The following CENPI variants were observed in gnomAD, a reference collection of about 807,000 sequenced individuals.
CENPI encodes the protein FSH primary response 1.
In CENPI, 4 loss-of-function variants were observed where a neutral mutation model predicts 60.4. That is an observed-to-expected ratio of 0.07 (90% CI 0.03 to 0.15). The LOEUF is 0.15. CENPI is among the 10% of genes least tolerant of loss of function. The probability of loss-of-function intolerance (pLI) is 1.00; values close to 1 mark genes in which losing one functional copy is unlikely to be tolerated. For missense variants in CENPI, 444 were observed against 534.5 expected, an observed-to-expected ratio of 0.83 and a Z score of 1.67; for synonymous variants, 157 against 189.4, an observed-to-expected ratio of 0.83 and a Z score of 1.40.
chrX:101,179,395 AG>A, the CENPI span, among the ~76,000 whole-genome samples: 5 of 113,089 alleles, frequency 4.4e-5, no homozygotes, highest in Middle Eastern at 4.2e-3. Context: ...GTATTAATAT[AG>A]CACATTTTGT....
intron 20 of CENPI, among the ~76,000 whole-genome samples, chrX:101,151,586 C>A (rs772013095): frequency 4.5e-5 from 5 of 111,403 alleles, no homozygotes; most frequent in Non-Finnish European, 7.5e-5. Context: ...AATCGCAGCA[C>A]TTTGGGAGGC....
At chrX:101,126,958 C>T (rs1447469887) in intron 9 of CENPI, among the ~76,000 whole-genome samples, 160 bp downstream of exon 9, 1 of 109,877 alleles carries the variant, frequency 9.1e-6, no homozygotes, top group East Asian at 2.8e-4. Flanking sequence ...ATTGGTACTT[C>T]GTGTTGATCC....
In CENPI at chrX:101,140,695, A is replaced by G. The variant is rs1177334898; in HGVS notation, c.1500A>G (p.Leu500=). Reference sequence around the variant, plus strand: ...GTGTGCTTCAGAGTCTGAAAGAGCTATTGCAGAATTGGCTGTTGTGGCTTT... The same window carrying G: ...GTGTGCTTCAGAGTCTGAAAGAGCTGTTGCAGAATTGGCTGTTGTGGCTTT... ...KCSVLQSLKE[L]LQNWLLWLSM... Residue 500 remains leucine (L), a synonymous_variant, in exon 16 of 22, where the codon CTA becomes CTG. Coordinates refer to ENST00000682095, the MANE Select transcript of CENPI (RefSeq NM_001386188.2). 5.8e-6 allele frequency: 7 copies of G among 1,204,479 alleles called. No individual in the cohort carries two copies. Among genetic ancestry groups the G allele is most frequent in the African/African-American group, 3.5e-5 (2 of 57,701 alleles).
chrX:101,138,943 CTTT>C (rs757166491), intron 15 of CENPI, among the ~76,000 whole-genome samples: 1 of 90,713 alleles, frequency 1.1e-5, no homozygotes. Flanking sequence ...TTGTTTTCTA[CTTT>C]TTTTTTTTTT....
chrX:101,114,766 A>G (rs1421792280), intron 6 of CENPI, among the ~76,000 whole-genome samples: 2 of 109,421 alleles, frequency 1.8e-5, no homozygotes, highest in African/African-American at 6.7e-5. Context: ...CAGCCTCCTG[A>G]GTAGCTGGGA....
chrX:101,104,008 CTT>C (rs1404621019), intron 4 of CENPI, among the ~76,000 whole-genome samples: 4 of 108,337 alleles, frequency 3.7e-5, no homozygotes, highest in Non-Finnish European at 7.7e-5. Flanking sequence ...GAGTTTCACT[CTT>C]TCACCCAGGC....
chrX:101,140,106 G>A (rs1206885187), intron 15 of CENPI, among the ~76,000 whole-genome samples: 1 of 112,159 alleles, frequency 8.9e-6, no homozygotes, highest in Non-Finnish European at 1.9e-5. Flanking sequence ...AAAGTGCTGG[G>A]ATTACAGGCG....
intron 15 of CENPI, among the ~76,000 whole-genome samples, chrX:101,137,891 G>C (rs1300966850): frequency 1.0e-5 from 1 of 95,606 alleles, no homozygotes; most frequent in Non-Finnish European, 2.1e-5. Context: ...AGGTCAGGCA[G>C]AGGTTTAATG....
At chrX:101,112,546 T>C (rs2089566156) in intron 6 of CENPI, among the ~76,000 whole-genome samples, 2 of 112,393 alleles carry the variant, frequency 1.8e-5, no homozygotes, top group South Asian at 3.6e-4. Flanking sequence ...AAAACTAATA[T>C]CCACAATTTT....
At chrX:101,121,067 G>A (rs1422974651) in intron 8 of CENPI, among the ~76,000 whole-genome samples, 7 of 110,077 alleles carry the variant, frequency 6.4e-5, no homozygotes, top group African/African-American at 2.3e-4. Flanking sequence ...GGTAGAGACA[G>A]GGTTTCACCA....
chrX:101,177,274 A>G, the CENPI span, among the ~76,000 whole-genome samples: 173 of 111,354 alleles, frequency 1.6e-3, no homozygotes, highest in African/African-American at 5.2e-3. Context: ...GATGGCTGTA[A>G]TGGGTTATGC....
intron 20 of CENPI, among the ~76,000 whole-genome samples, chrX:101,152,662 A>G (rs1246362618): frequency 9.0e-6 from 1 of 110,701 alleles, no homozygotes; most frequent in Non-Finnish European, 1.9e-5. Flanking sequence ...TTGGCCTCCC[A>G]TAGTGCTGGG....
chrX:101,154,904 G>A (rs925020196), intron 20 of CENPI, among the ~76,000 whole-genome samples: 32 of 111,390 alleles, frequency 2.9e-4, no homozygotes, highest in African/African-American at 1.0e-3. Context: ...ATCTGCACCC[G>A]TATATTGATC....
At chrX:101,102,056 T>C (rs771916566) in intron 3 of CENPI, among the ~76,000 whole-genome samples, 2 of 111,935 alleles carry the variant, frequency 1.8e-5, no homozygotes, top group Admixed American at 9.5e-5. Flanking sequence ...AATTTTTTTG[T>C]AGAGATGGAG....
At chrX:101,175,880 C>G in the CENPI span, among the ~76,000 whole-genome samples, 1 of 111,241 alleles carries the variant, frequency 9.0e-6, no homozygotes. Context: ...AGAACTTATT[C>G]CTTCTATCTA....
At chrX:101,159,205 A>G (rs1419563047) in intron 20 of CENPI, among the ~76,000 whole-genome samples, 2 of 110,669 alleles carry the variant, frequency 1.8e-5, no homozygotes, top group African/African-American at 3.3e-5. Context: ...TCTGTCGCCC[A>G]GGCTGGAGTG....
intron 6 of CENPI, among the ~76,000 whole-genome samples, chrX:101,117,261 C>T (rs768188607): frequency 1.8e-5 from 2 of 111,644 alleles, no homozygotes; most frequent in African/African-American, 6.5e-5. Flanking sequence ...AGTGCGATGG[C>T]GCGATCTTGG....
chrX:101,138,924 C>T, intron 15 of CENPI, among the ~76,000 whole-genome samples: 1 of 106,402 alleles, frequency 9.4e-6, no homozygotes, highest in Non-Finnish European at 1.9e-5. Flanking sequence ...CTGTGCATGG[C>T]CAAGATTTTT....
chrX:101,106,363 C>G (rs1162724534), intron 4 of CENPI, among the ~76,000 whole-genome samples: 1 of 110,537 alleles, frequency 9.0e-6, no homozygotes, highest in Non-Finnish European at 1.9e-5. Context: ...ATTCTTGAAG[C>G]CTTAATTAAC....
Sources: gnomAD v4.1 joint callset for allele counts (sites outside exome capture counted in the v4.1 genomes callset) on GRCh38, gnomAD v4.1.1 for gene constraint, MANE v1.5 for transcripts, NCBI Gene and HGNC (gene_info 2026-07-23, HGNC 2026-07-21) for gene names.